The following RNF130 variants were observed in gnomAD, a reference collection of about 807,000 sequenced individuals.
The protein encoded by RNF130 is E3 ubiquitin-protein ligase RNF130.
Under a neutral mutation model 44.6 loss-of-function variants are expected in RNF130, and 21 were observed. That is an observed-to-expected ratio of 0.47 (90% confidence interval 0.33 to 0.68). The LOEUF (loss-of-function observed/expected upper bound fraction) is 0.68. Ranked by LOEUF, RNF130 falls within the 30% of genes least tolerant of loss-of-function variation. The pLI is 0.02. For synonymous variants in RNF130, 214 were observed against 210.4 expected, an observed-to-expected ratio of 1.02 and a Z score of -0.15; for missense variants, 479 against 560.6, an observed-to-expected ratio of 0.85 and a Z score of 1.47.
intron 3 of RNF130, among the ~76,000 whole-genome samples, chr5:179,990,260 C>T (rs916416319): frequency 1.3e-5 from 2 of 152,186 alleles, no homozygotes; most frequent in African/African-American, 2.4e-5. Context: ...GATAAGGTCA[C>T]GTGAGTCACA....
exon 8 of RNF130, chr5:179,914,462 T>C (rs1245603812): frequency 1.3e-5 from 2 of 152,264 alleles, no homozygotes; most frequent in Non-Finnish European, 2.9e-5. Flanking sequence ...CTGTCCACAC[T>C]TTAAATGTCA....
chr5:180,014,728 A>G (rs921581844), intron 2 of RNF130, among the ~76,000 whole-genome samples: 5 of 152,218 alleles, frequency 3.3e-5, no homozygotes, highest in African/African-American at 1.2e-4. Context: ...GCTCATGCCT[A>G]TAATCCCAGC....
chr5:179,952,720 T>G (rs775302967), downstream of RNF130, among the ~76,000 whole-genome samples: 1 of 152,204 alleles, frequency 6.6e-6, no homozygotes, highest in South Asian at 2.1e-4. Flanking sequence ...ATTCATAGGA[T>G]AGAATAGAAT....
chr5:180,065,337 C>T (rs1765077268), intron 1 of RNF130, among the ~76,000 whole-genome samples: 2 of 152,222 alleles, frequency 1.3e-5, no homozygotes, highest in African/African-American at 4.8e-5. Flanking sequence ...GAGTCCTCAC[C>T]CACTGTAAAT....
intron 8 of RNF130, among the ~76,000 whole-genome samples, chr5:179,958,575 T>C (rs932040320): frequency 6.6e-6 from 1 of 152,244 alleles, no homozygotes; most frequent in African/African-American, 2.4e-5. Flanking sequence ...GGTCGGCCTG[T>C]GAACAGGTCT....
chr5:179,961,590 A>G (rs773472075), intron 8 of RNF130, among the ~76,000 whole-genome samples: 3 of 152,170 alleles, frequency 2.0e-5, no homozygotes, highest in Non-Finnish European at 2.9e-5. Context: ...AAACTACCCA[A>G]TAATTCTCGA....
chr5:180,058,526 G>T (rs1030511081), intron 1 of RNF130, among the ~76,000 whole-genome samples: 2 of 152,090 alleles, frequency 1.3e-5, no homozygotes, highest in Non-Finnish European at 2.9e-5. Context: ...GGCAGAGGGG[G>T]TAATGGAGTC....
At chr5:180,049,749 G>A (rs1366958199) in intron 1 of RNF130, among the ~76,000 whole-genome samples, 1 of 152,154 alleles carries the variant, frequency 6.6e-6, no homozygotes, top group East Asian at 1.9e-4. Context: ...ATATGATATA[G>A]CTGGATTCAT....
intron 5 of RNF130, 108 bp from the exon 6 acceptor site, chr5:179,970,614 G>A: frequency 2.5e-6 from 2 of 799,518 alleles, no homozygotes; most frequent in Non-Finnish European, 2.0e-6. Flanking sequence ...CCCCTTTCAG[G>A]ACATATTTTA....
intron 7 of RNF130, among the ~76,000 whole-genome samples, chr5:179,941,310 G>A (rs1014734049): frequency 4.6e-5 from 7 of 152,158 alleles, no homozygotes; most frequent in African/African-American, 1.7e-4. Flanking sequence ...CATTGCCTCT[G>A]GAAGTGACGT....
chr5:180,067,129 G>A (rs911712455), intron 1 of RNF130, among the ~76,000 whole-genome samples: 9 of 152,184 alleles, frequency 5.9e-5, no homozygotes, highest in Admixed American at 1.3e-4. Flanking sequence ...CAAATGCAGC[G>A]CAAGATTAGA....
chr5:180,054,301 C>A (rs982472398), intron 1 of RNF130, among the ~76,000 whole-genome samples: 1 of 152,140 alleles, frequency 6.6e-6, no homozygotes, highest in Non-Finnish European at 1.5e-5. Flanking sequence ...ATGATACAAT[C>A]GCTTTCTTCC....
intron 3 of RNF130, among the ~76,000 whole-genome samples, chr5:179,985,334 A>G (rs2113723547): frequency 6.6e-6 from 1 of 152,142 alleles, no homozygotes; most frequent in East Asian, 1.9e-4. Flanking sequence ...CAACAGTGCC[A>G]TCTTTCCAGA....
At chr5:179,947,958 C>T (rs1762069371) in intron 7 of RNF130, among the ~76,000 whole-genome samples, 1 of 152,140 alleles carries the variant, frequency 6.6e-6, no homozygotes, top group Non-Finnish European at 1.5e-5. Flanking sequence ...CCATTCACTT[C>T]CCCCGTTTTC....
rs71591449 is a variant in RNF130 at position 179,982,566 on chromosome 5, GTGTTTTGTTT to G, written c.694-2376_694-2367del. ...CCAACACTTGGTATGGTGAGATTTT[GTGTTTTGTTT>G]TGTTTTGTTTTGTTTTTAAGACAAG... On this transcript the variant is annotated intron_variant, in intron 3 of 8. Coordinates refer to ENST00000521389, the MANE Select transcript of RNF130 (RefSeq NM_018434.6). Among the ~76,000 whole-genome samples, 70 of 150,712 alleles carry G rather than the reference GTGTTTTGTTT, an allele frequency of 4.6e-4. No homozygotes were observed. The East Asian group carries it at 7.1e-3, about 15-fold the overall frequency.
At chr5:180,020,279 G>A (rs1238148403) in intron 2 of RNF130, among the ~76,000 whole-genome samples, 1 of 152,176 alleles carries the variant, frequency 6.6e-6, no homozygotes, top group African/African-American at 2.4e-5. Context: ...TGGCAGGACC[G>A]CTGATGAACG....
intron 1 of RNF130, among the ~76,000 whole-genome samples, chr5:180,060,630 G>A (rs1288130237): frequency 6.6e-6 from 1 of 152,136 alleles, no homozygotes; most frequent in Non-Finnish European, 1.5e-5. Flanking sequence ...TTAACTTGGG[G>A]CTTCAAGAGG....
intron 3 of RNF130, among the ~76,000 whole-genome samples, chr5:179,987,768 A>G (rs1337484299): frequency 6.6e-6 from 1 of 152,208 alleles, no homozygotes; most frequent in Non-Finnish European, 1.5e-5. Flanking sequence ...AAACATCATG[A>G]CTATTGACTT....
chr5:180,031,524 A>G (rs1265985730), intron 2 of RNF130, among the ~76,000 whole-genome samples: 4 of 152,148 alleles, frequency 2.6e-5, no homozygotes, highest in Non-Finnish European at 4.4e-5. Flanking sequence ...GGCAAAAGTT[A>G]TACGTAGCTT....
Sources: gnomAD v4.1 joint callset for allele counts (sites outside exome capture counted in the v4.1 genomes callset) on GRCh38, gnomAD v4.1.1 for gene constraint, MANE v1.5 for transcripts, NCBI Gene and HGNC (gene_info 2026-07-23, HGNC 2026-07-21) for gene names.